The following HS6ST3 variants were observed in gnomAD, a reference collection of about 807,000 sequenced individuals.
HS6ST3 encodes the protein heparan sulfate 6-O-sulfotransferase 3.
Under a neutral mutation model 36.7 loss-of-function variants are expected in HS6ST3, and 12 were observed. The ratio of observed to expected loss-of-function variants is 0.33; its 90% confidence interval spans 0.21 to 0.53. The LOEUF (loss-of-function observed/expected upper bound fraction) is 0.53. Ranked by LOEUF, HS6ST3 falls within the 20% of genes least tolerant of loss-of-function variation. The pLI, the probability that HS6ST3 is intolerant of heterozygous loss-of-function variation, is 0.95. For missense variants in HS6ST3, 584 were observed against 640.9 expected (o/e 0.91, Z 0.96); for synonymous variants, 240 against 257.5 (o/e 0.93, Z 0.65).
chr13:96,534,579 G>A (rs192384905), intron 1 of HS6ST3, among the ~76,000 whole-genome samples: 20 of 152,318 alleles, frequency 1.3e-4, no homozygotes, highest in African/African-American at 4.6e-4. Flanking sequence ...CACCATTGTG[G>A]TTGTCACTAT....
At chr13:96,271,973 G>A (rs1167046944) in intron 1 of HS6ST3, among the ~76,000 whole-genome samples, 1 of 151,984 alleles carries the variant, frequency 6.6e-6, no homozygotes, top group African/African-American at 2.4e-5. Context: ...ACTAACATTA[G>A]CACCAGCACT....
At chr13:96,644,993 CTGTT>C (rs2056583582) in intron 1 of HS6ST3, among the ~76,000 whole-genome samples, 2 of 151,994 alleles carry the variant, frequency 1.3e-5, no homozygotes, top group South Asian at 4.1e-4. Flanking sequence ...GAAATACTAA[CTGTT>C]TGAATTCAAA....
chr13:96,771,824 CAA>C (rs1321421270), intron 1 of HS6ST3, among the ~76,000 whole-genome samples: 2 of 151,420 alleles, frequency 1.3e-5, no homozygotes, highest in Non-Finnish European at 2.9e-5. Context: ...CTAGGAGGTA[CAA>C]AAAAAAGATA....
intron 1 of HS6ST3, among the ~76,000 whole-genome samples, chr13:96,445,741 G>A (rs2055694846): frequency 6.6e-6 from 1 of 151,940 alleles, no homozygotes; most frequent in African/African-American, 2.4e-5. Context: ...GGTGGTATGT[G>A]CCTGTCATTC....
At chr13:96,164,199 G>A (rs1412325929) in intron 1 of HS6ST3, among the ~76,000 whole-genome samples, 1 of 152,108 alleles carries the variant, frequency 6.6e-6, no homozygotes, top group Non-Finnish European at 1.5e-5. Context: ...CATGCCAACT[G>A]TGTCTCCATG....
intron 1 of HS6ST3, among the ~76,000 whole-genome samples, chr13:96,814,841 TG>T (rs1257697493): frequency 6.6e-6 from 1 of 152,226 alleles, no homozygotes; most frequent in African/African-American, 2.4e-5. Context: ...CCTGTTCTGT[TG>T]TGGTTTAATA....
At chr13:96,616,772 T>C (rs1381960024) in intron 1 of HS6ST3, among the ~76,000 whole-genome samples, 2 of 152,238 alleles carry the variant, frequency 1.3e-5, no homozygotes, top group Non-Finnish European at 1.5e-5. Flanking sequence ...TCAGGTAAAG[T>C]AGACAAAGTT....
At chr13:96,180,695 C>G (rs536730285) in intron 1 of HS6ST3, among the ~76,000 whole-genome samples, 32 of 152,240 alleles carry the variant, frequency 2.1e-4, no homozygotes, top group South Asian at 1.7e-3. Context: ...ATTTAGTTCT[C>G]ACAACAATTC....
At chr13:96,664,152 T>C (rs866039101) in intron 1 of HS6ST3, among the ~76,000 whole-genome samples, 1 of 152,084 alleles carries the variant, frequency 6.6e-6, no homozygotes, top group Non-Finnish European at 1.5e-5. Context: ...ATTAATCAAG[T>C]TGTATAAAAA....
At chr13:96,820,911 G>C (rs575247501) in intron 1 of HS6ST3, among the ~76,000 whole-genome samples, 1 of 152,250 alleles carries the variant, frequency 6.6e-6, no homozygotes, top group South Asian at 2.1e-4. Context: ...TCTGTTTTAA[G>C]GCTGAAAAGA....
chr13:96,831,895 C>T (rs1045933753), intron 1 of HS6ST3, among the ~76,000 whole-genome samples: 6 of 125,368 alleles, frequency 4.8e-5, no homozygotes, highest in African/African-American at 1.5e-4. Context: ...GCAGAGGTTG[C>T]GGTGAGCTGA....
intron 1 of HS6ST3, among the ~76,000 whole-genome samples, chr13:96,109,508 A>G (rs964128479): frequency 1.0e-4 from 16 of 152,386 alleles, no homozygotes; most frequent in African/African-American, 3.6e-4. Flanking sequence ...AAGGGAACTC[A>G]TTCACAGATT....
At chr13:96,650,490 C>T (rs541751751) in intron 1 of HS6ST3, among the ~76,000 whole-genome samples, 14 of 152,008 alleles carry the variant, frequency 9.2e-5, no homozygotes, top group South Asian at 4.2e-4. Context: ...ACATTCTGAA[C>T]GAATGAGTCA....
chr13:96,158,652 C>CAAAAAAAAAAA (rs397954592), intron 1 of HS6ST3, among the ~76,000 whole-genome samples: 1 of 68,898 alleles, frequency 1.5e-5, no homozygotes, highest in Non-Finnish European at 2.5e-5. Context: ...GACTCCGTCT[C>CAAAAAAAAAAA]AAAAAAAAAA....
At chr13:96,725,037 GT>G (rs1875968505) in intron 1 of HS6ST3, among the ~76,000 whole-genome samples, 1 of 152,132 alleles carries the variant, frequency 6.6e-6, no homozygotes, top group African/African-American at 2.4e-5. Context: ...ACTCCGCATT[GT>G]CCCGGACACT....
intron 1 of HS6ST3, among the ~76,000 whole-genome samples, chr13:96,585,728 T>G (rs2138972009): frequency 6.6e-6 from 1 of 152,326 alleles, no homozygotes; most frequent in South Asian, 2.1e-4. Flanking sequence ...TGTGCTTGGC[T>G]TATTTTACTT....
At chr13:96,320,232 G>T (rs1236625546) in intron 1 of HS6ST3, among the ~76,000 whole-genome samples, 1 of 151,946 alleles carries the variant, frequency 6.6e-6, no homozygotes, top group African/African-American at 2.4e-5. Context: ...TGTTTTATTG[G>T]CAAGATGCTT....
intron 1 of HS6ST3, among the ~76,000 whole-genome samples, chr13:96,208,146 A>T (rs2054381234): frequency 6.6e-6 from 1 of 152,212 alleles, no homozygotes; most frequent in Admixed American, 6.6e-5. Flanking sequence ...ATAAAATATT[A>T]AAGCACCTCC....
intron 1 of HS6ST3, among the ~76,000 whole-genome samples, chr13:96,112,590 T>TATATATATATATATATAC (rs2053874951): frequency 1.7e-5 from 1 of 58,762 alleles, no homozygotes; most frequent in African/African-American, 5.6e-5. Flanking sequence ...TATATATATA[T>TATATATATATATATATAC]ATATATATAT....
Sources: allele counts gnomAD v4.1 joint callset (sites outside exome capture counted in the v4.1 genomes callset), GRCh38; gene constraint gnomAD v4.1.1; transcripts MANE v1.5; gene names NCBI Gene and HGNC (gene_info 2026-07-23, HGNC 2026-07-21).